Variants in ADH7 observed in about 807,000 individuals in gnomAD.
ADH7 encodes alcohol dehydrogenase 7 (class IV), mu or sigma polypeptide.
ADH7 carries 41 observed loss-of-function variants against 34.4 expected under a neutral mutation model. The ratio of observed to expected loss-of-function variants is 1.19; its 90% CI spans 0.93 to 1.55. The LOEUF (loss-of-function observed/expected upper bound fraction) is 1.55, where lower values mean the gene tolerates loss of function less well. Among genes scored for constraint, ADH7 ranks in the 40% most tolerant of loss-of-function variants. ADH7 has a pLI of 0.00. For missense variants in ADH7, 540 were observed against 461.2 expected, an observed-to-expected ratio of 1.17 and a Z score of -1.56; for synonymous variants, 180 against 160.9, an observed-to-expected ratio of 1.12 and a Z score of -0.90.
intron 1 of ADH7, chr4:99,434,974 C>A (rs1202809447): frequency 4.3e-6 from 6 of 1,388,078 alleles, no homozygotes; most frequent in Middle Eastern, 3.5e-4. Context: ...AAATCAATTT[C>A]TCTATTTTCC....
At chr4:99,425,363 A>G (rs1721775629) in intron 5 of ADH7, among the ~76,000 whole-genome samples, 1 of 152,120 alleles carries the variant, frequency 6.6e-6, no homozygotes, top group South Asian at 2.1e-4. Context: ...GGATGGAGGA[A>G]GATCTACCAA....
chr4:99,432,517 G>T (rs1721958873), intron 1 of ADH7: 1 of 152,126 alleles, frequency 6.6e-6, no homozygotes, highest in African/African-American at 2.4e-5. Flanking sequence ...TTAAAATTTT[G>T]TGTGTTGAGA....
At chr4:99,424,777 TGAGA>T (rs1173944880) in intron 5 of ADH7, among the ~76,000 whole-genome samples, 2 of 152,154 alleles carry the variant, frequency 1.3e-5, no homozygotes, top group Non-Finnish European at 2.9e-5. Context: ...GATTTTGGGC[TGAGA>T]CAATGGGGTT....
At chr4:99,426,466 T>G (rs1292763243) in intron 5 of ADH7, among the ~76,000 whole-genome samples, 2 of 152,036 alleles carry the variant, frequency 1.3e-5, no homozygotes, top group Non-Finnish European at 2.9e-5. Flanking sequence ...CTAGAAGAAA[T>G]GGATAAATTC....
chr4:99,417,077 T>G (rs1404863255), intron 7 of ADH7, among the ~76,000 whole-genome samples: 2 of 152,086 alleles, frequency 1.3e-5, no homozygotes, highest in Non-Finnish European at 2.9e-5. Flanking sequence ...ATCCTTTCCT[T>G]CCAGCATTAT....
chr4:99,413,835 A>G (rs1056491435), intron 8 of ADH7, among the ~76,000 whole-genome samples: 1 of 152,206 alleles, frequency 6.6e-6, no homozygotes, highest in East Asian at 1.9e-4. Context: ...GGGTTGCATC[A>G]TCAAGGCTTA....
chr4:99,431,620 A>G (rs940187484), intron 1 of ADH7, among the ~76,000 whole-genome samples: 2 of 152,218 alleles, frequency 1.3e-5, no homozygotes, highest in African/African-American at 4.8e-5. Flanking sequence ...AAACAAAATA[A>G]TAAGCAAAAC....
rs1295543567 is a variant in ADH7 at position 99,412,324 on chromosome 4, T to A, written c.*824A>T. On this transcript the variant is annotated 3_prime_UTR_variant, in exon 9 of 9. Transcript: ENST00000437033. ...CATGTTATAGATATATATAGATACA[T>A]CAGTGTAGTTGTTAAAAACTAAAAA... 6.6e-6 allele frequency: 1 copy of A among 152,154 alleles called. No homozygotes were observed. The allele number at this position is 152,154 out of a possible 1,614,324, so 9.4% of individuals were successfully genotyped here.
At chr4:99,427,429 G>C (rs920496381) in intron 5 of ADH7, among the ~76,000 whole-genome samples, 5 of 152,164 alleles carry the variant, frequency 3.3e-5, no homozygotes, top group Non-Finnish European at 7.4e-5. Flanking sequence ...GAAACTAGGA[G>C]TAAAAGCTCT....
At chr4:99,413,691 C>T (rs1052349858) in intron 8 of ADH7, among the ~76,000 whole-genome samples, 3 of 152,158 alleles carry the variant, frequency 2.0e-5, no homozygotes, top group Admixed American at 2.0e-4. Flanking sequence ...TAGTGAAAGA[C>T]TAACTGGAAT....
intron 5 of ADH7, among the ~76,000 whole-genome samples, chr4:99,426,108 G>A (rs965681471): frequency 1.3e-5 from 2 of 152,150 alleles, no homozygotes; most frequent in African/African-American, 2.4e-5. Flanking sequence ...GAGAAAGCAG[G>A]AAAGATCTAA....
intron 3 of ADH7, 97 bp from the exon 4 acceptor site, chr4:99,428,271 TA>T: frequency 7.5e-7 from 1 of 1,324,758 alleles, no homozygotes; most frequent in South Asian, 1.3e-5. Context: ...GTAAAACTTT[TA>T]AAAATATATT....
At chr4:99,418,877 A>T in intron 7 of ADH7, 109 bp downstream of exon 7, 1 of 1,288,322 alleles carries the variant, frequency 7.8e-7, no homozygotes, top group Non-Finnish European at 1.1e-6. Context: ...ATTTTAGATC[A>T]CTTCATACTC....
chr4:99,432,954 C>T (rs887665852), intron 1 of ADH7, among the ~76,000 whole-genome samples: 3 of 152,156 alleles, frequency 2.0e-5, no homozygotes, highest in Non-Finnish European at 4.4e-5. Flanking sequence ...GCTGGGACTA[C>T]AGGCACAAGC....
chr4:99,418,124 C>A (rs1721561105), intron 7 of ADH7, among the ~76,000 whole-genome samples: 1 of 152,168 alleles, frequency 6.6e-6, no homozygotes, highest in Non-Finnish European at 1.5e-5. Context: ...AAACTTCAAA[C>A]ACATTAATGT....
intron 5 of ADH7, among the ~76,000 whole-genome samples, chr4:99,424,847 C>T (rs956382821): frequency 6.6e-6 from 1 of 152,026 alleles, no homozygotes; most frequent in African/African-American, 2.4e-5. Context: ...TTCCTCTTTT[C>T]CTAATTGAAT....
chr4:99,421,639 A>G (rs112270685), intron 5 of ADH7, among the ~76,000 whole-genome samples: 4 of 152,328 alleles, frequency 2.6e-5, no homozygotes, highest in African/African-American at 9.6e-5. Context: ...ACAAAAGCCA[A>G]ACTTGACAAA....
chr4:99,420,423 G>A (rs371943586), intron 6 of ADH7, 110 bp downstream of exon 6: 179 of 1,257,586 alleles, frequency 1.4e-4, no homozygotes, highest in South Asian at 1.2e-3. Flanking sequence ...ACTGACTATC[G>A]CAGAGATATT....
At chr4:99,434,296 C>T (rs1721999877) in intron 1 of ADH7, among the ~76,000 whole-genome samples, 1 of 152,084 alleles carries the variant, frequency 6.6e-6, no homozygotes. Context: ...AAATTAACTT[C>T]CCAAGTAATC....
Sources: gnomAD v4.1 joint callset for allele counts (sites outside exome capture counted in the v4.1 genomes callset) on GRCh38, gnomAD v4.1.1 for gene constraint, MANE v1.5 for transcripts, NCBI Gene and HGNC (gene_info 2026-07-23, HGNC 2026-07-21) for gene names.